SLC6A11: variants seen among roughly 807,000 people sequenced by gnomAD.
SLC6A11 encodes solute carrier family 6 member 11, also known as sodium- and chloride-dependent GABA transporter 3.
A neutral mutation model predicts 74.8 loss-of-function variants in SLC6A11; 25 were observed. That is an observed-to-expected ratio of 0.33 (90% CI 0.24 to 0.47). SLC6A11 has a LOEUF of 0.47. Ranked by LOEUF, SLC6A11 falls within the 20% of genes least tolerant of loss-of-function variation. SLC6A11 has a pLI of 1.00. For missense variants in SLC6A11, 574 were observed against 837.0 expected, an observed-to-expected ratio of 0.69 and a Z score of 3.88; for synonymous variants, 330 against 330.2, an observed-to-expected ratio of 1.00 and a Z score of 0.01.
intron 5 of SLC6A11, among the ~76,000 whole-genome samples, chr3:10,870,437 T>G (rs1283017732): frequency 6.6e-6 from 1 of 152,232 alleles, no homozygotes; most frequent in Non-Finnish European, 1.5e-5. Context: ...CGGAGGGTTC[T>G]GAGGCTGCAT....
Position 10,816,815 on chromosome 3 carries a change from T to C in SLC6A11, c.256+294T>C, listed in dbSNP as rs566739624. Among the ~76,000 whole-genome samples, 1 of 152,340 alleles carries C rather than the reference T, an allele frequency of 6.6e-6. No individual in the cohort carries two copies. The highest frequency in any genetic ancestry group is 1.5e-5 in the Non-Finnish European group (1 of 68,026). Reference sequence around the variant, plus strand: ...GAGGCCAGGGAGCCCTTGCTTTGGGTAGGCGCCCTGGTGTTTCGGGCACTT... The same window carrying C: ...GAGGCCAGGGAGCCCTTGCTTTGGGCAGGCGCCCTGGTGTTTCGGGCACTT... On this transcript the variant is annotated intron_variant, in intron 1 of 13. Transcript: ENST00000254488. This position sits in a 1 kb window ranked among gnomAD's most constrained non-coding sequence, Gnocchi z 4.2.
Position 10,918,278 on chromosome 3 carries a change from G to C in SLC6A11, c.996-51G>C. 1 of 1,507,694 alleles carries C rather than the reference G, an allele frequency of 6.6e-7. No homozygotes were observed. The allele number at this position is 1,507,694 out of a possible 1,614,324, so 93.4% of individuals were successfully genotyped here. A position where few individuals can be genotyped will look rare whatever the true frequency, so the allele number is the denominator to read the frequency against. ...CTCGGGTGGAGAACGTTTGAGCCGT[G>C]CACCGGTTCTGCCCGCTCTGACCCT... On this transcript the variant is annotated intron_variant, in intron 7 of 13. Transcript: ENST00000254488. The surrounding 1 kb of genome is among the most constrained non-coding windows in gnomAD (Gnocchi z 4.5).
intron 6 of SLC6A11, among the ~76,000 whole-genome samples, chr3:10,899,893 G>C (rs1328073234): frequency 2.0e-5 from 3 of 152,196 alleles, no homozygotes; most frequent in African/African-American, 7.2e-5. Context: ...GGGCTCAGCT[G>C]ACCCAAAACC....
intron 3 of SLC6A11, among the ~76,000 whole-genome samples, chr3:10,820,991 C>T (rs543856726): frequency 2.2e-4 from 34 of 152,286 alleles, no homozygotes; most frequent in African/African-American, 8.2e-4. Flanking sequence ...GGAGATGCTG[C>T]AGTCTGGCTT....
intron 1 of SLC6A11, among the ~76,000 whole-genome samples, 155 bp from the exon 2 acceptor site, chr3:10,819,310 G>A (rs1234069516): frequency 6.6e-6 from 1 of 152,182 alleles, no homozygotes; most frequent in Non-Finnish European, 1.5e-5. Flanking sequence ...CAGAAACCTA[G>A]CGCTGTTTTC....
At chr3:10,934,202 A>G (rs780294283) in intron 12 of SLC6A11, 36 bp downstream of exon 12, 1 of 1,414,248 alleles carries the variant, frequency 7.1e-7, no homozygotes, top group South Asian at 1.2e-5. Flanking sequence ...CCAGCCATCT[A>G]CCCACCCATC....
At chr3:10,869,876 G>A (rs911651789) in intron 5 of SLC6A11, among the ~76,000 whole-genome samples, 1 of 152,150 alleles carries the variant, frequency 6.6e-6, no homozygotes, top group Non-Finnish European at 1.5e-5. Context: ...TAAAAAGGGG[G>A]TGTAACTTCA....
Position 10,817,396 on chromosome 3 carries a change from C to T in SLC6A11, c.256+875C>T, listed in dbSNP as rs148068983. On this transcript the variant is annotated intron_variant, in intron 1 of 13. Coordinates refer to ENST00000254488, the MANE Select transcript of SLC6A11 (RefSeq NM_014229.3). ...AAAGTCAGTTTGGCAAAAGATGCAGCAGCGAATCCGTAACTCTCCCAGCTC... is the reference window on the plus strand; with the variant it reads ...AAAGTCAGTTTGGCAAAAGATGCAGTAGCGAATCCGTAACTCTCCCAGCTC... Among the ~76,000 whole-genome samples, 85 of 152,296 alleles carry T rather than the reference C, an allele frequency of 5.6e-4. No individual in the cohort carries two copies. The Middle Eastern group carries it at 0.034, about 61-fold the overall frequency.
chr3:10,882,317 C>T (rs558132685), intron 6 of SLC6A11, among the ~76,000 whole-genome samples: 4 of 152,280 alleles, frequency 2.6e-5, no homozygotes, highest in South Asian at 4.1e-4. Context: ...GAAAGTCTAA[C>T]GGGGTGCCCG....
At position 10,926,633 on chromosome 3, in the gene SLC6A11, C is replaced by T. The variant is rs904363008; in HGVS notation, c.1233+517C>T. Among the ~76,000 whole-genome samples, 6 of 152,142 alleles carry T rather than the reference C, an allele frequency of 3.9e-5. No individual in the cohort carries two copies. The highest frequency in any genetic ancestry group is 1.2e-4 in the African/African-American group (5 of 41,432). The stretch of plus-strand genomic sequence containing the variant: ...GCCACCGCCTGCCTGTCTCTGTGCT[C>T]GGCCCTCCCTAGAGGCCCCTTGCCA... On this transcript the variant is annotated intron_variant, in intron 9 of 13. Coordinates refer to ENST00000254488, the MANE Select transcript of SLC6A11 (RefSeq NM_014229.3). The surrounding 1 kb of genome is among the most constrained non-coding windows in gnomAD (Gnocchi z 5.7).
In SLC6A11 at chr3:10,819,449, C is replaced by T. The variant is rs745844323; in HGVS notation, c.257-16C>T. ...GGCAGGGACAGTTTTCATTTCATTC[C>T]TTTGCATCCTTACAGGGGCATTCCT... On this transcript the variant is annotated splice_polypyrimidine_tract_variant and intron_variant, in intron 1 of 13. Transcript: ENST00000254488. 1 of 1,601,448 alleles carries T rather than the reference C, an allele frequency of 6.2e-7. No homozygotes were observed. The highest frequency in any genetic ancestry group is 1.8e-5 in the Admixed American group (1 of 56,622).
intron 5 of SLC6A11, among the ~76,000 whole-genome samples, chr3:10,873,995 A>G (rs1462465169): frequency 7.5e-6 from 1 of 132,626 alleles, no homozygotes; most frequent in African/African-American, 3.5e-5. Flanking sequence ...ACGCTACGCT[A>G]TGCTATGCTA....
rs1368996516 is a variant in SLC6A11, at chr3:10,844,317, A to G, written c.727A>G (p.Ile243Val). The change falls in exon 5 of 14, where the codon ATC becomes GTC. Residue 243 changes from isoleucine to valine, a missense_variant. Ile to Val is a conservative substitution (Grantham distance 29). Around this residue, in one of 4 missense-constraint regions of SLC6A11, gnomAD observed 215 missense variants for 357.9 expected, o/e 0.60. Transcript: ENST00000254488. Reference protein sequence around the residue: ...LAAWTICYFCIWKGTKSTGKV... With the variant: ...LAAWTICYFCVWKGTKSTGKV... Reference sequence around the variant, plus strand: ...AGCCTGGACCATCTGTTACTTCTGTATCTGGAAGGGGACCAAGTCTACAGG... The same window carrying G: ...AGCCTGGACCATCTGTTACTTCTGTGTCTGGAAGGGGACCAAGTCTACAGG... 1.2e-6 allele frequency: 2 copies of G among 1,614,200 alleles called. No individual in the cohort carries two copies. The highest frequency in any genetic ancestry group is 1.7e-6 in the Non-Finnish European group (2 of 1,180,032).
At chr3:10,925,762 G>A (rs1345905986) in intron 8 of SLC6A11, among the ~76,000 whole-genome samples, 4 of 152,152 alleles carry the variant, frequency 2.6e-5, no homozygotes, top group Non-Finnish European at 5.9e-5. Context: ...CTGAACCTAG[G>A]CTTGAATCCT....
intron 6 of SLC6A11, among the ~76,000 whole-genome samples, chr3:10,895,578 A>G (rs1215941454): frequency 6.6e-6 from 1 of 152,188 alleles, no homozygotes; most frequent in Non-Finnish European, 1.5e-5. Flanking sequence ...GAGGAAAACA[A>G]CACACACTGG....
intron 6 of SLC6A11, among the ~76,000 whole-genome samples, chr3:10,891,764 T>G (rs1695110008): frequency 6.6e-6 from 1 of 152,202 alleles, no homozygotes; most frequent in African/African-American, 2.4e-5. Flanking sequence ...TCCACCCCTT[T>G]GAGTCTATTT....
At chr3:10,860,829 C>T (rs1255257979) in intron 5 of SLC6A11, among the ~76,000 whole-genome samples, 3 of 152,198 alleles carry the variant, frequency 2.0e-5, no homozygotes, top group African/African-American at 7.2e-5. Flanking sequence ...GAAGGAGGAA[C>T]AGATTTGGAG....
chr3:10,898,271 A>G (rs916946171), intron 6 of SLC6A11, among the ~76,000 whole-genome samples: 17 of 152,228 alleles, frequency 1.1e-4, no homozygotes, highest in African/African-American at 4.1e-4. Context: ...CTGGTTACTT[A>G]TGCAAATTTC....
At chr3:10,910,630 G>T (rs571999480) in intron 6 of SLC6A11, among the ~76,000 whole-genome samples, 1 of 152,052 alleles carries the variant, frequency 6.6e-6, no homozygotes, top group Non-Finnish European at 1.5e-5. Flanking sequence ...CAGGCCTTCT[G>T]AGGCTGATTC....
Sources: gnomAD v4.1 joint callset for allele counts (sites outside exome capture counted in the v4.1 genomes callset) on GRCh38, gnomAD v4.1.1 for gene constraint, gnomAD v4.1.1 regional missense constraint, Gnocchi (gnomAD v3.1) non-coding constraint, MANE v1.5 for transcripts, NCBI Gene and HGNC (gene_info 2026-07-23, HGNC 2026-07-21) for gene names.